The following CFAP52 variants were observed in gnomAD, a reference collection of about 807,000 sequenced individuals.
The protein encoded by CFAP52 is cilia and flagella associated protein 52, also known as cilia- and flagella-associated protein 52.
Under a neutral mutation model 70.5 loss-of-function variants are expected in CFAP52, and 57 were observed. The observed-to-expected ratio is 0.81, with a 90% confidence interval of 0.65 to 1.01. CFAP52 has a LOEUF of 1.01. Ranked by LOEUF, CFAP52 falls within the 50% of genes least tolerant of loss-of-function variation. The probability of loss-of-function intolerance (pLI) is 0.00; values close to 1 mark genes in which losing one functional copy is unlikely to be tolerated. For synonymous variants in CFAP52, 267 were observed against 292.5 expected, an observed-to-expected ratio of 0.91 and a Z score of 0.89; for missense variants, 785 against 788.5, an observed-to-expected ratio of 1.00 and a Z score of 0.05.
chr17:9,577,390 G>C (rs946556188), intron 1 of CFAP52, among the ~76,000 whole-genome samples: 17 of 152,220 alleles, frequency 1.1e-4, no homozygotes, highest in African/African-American at 3.9e-4. Context: ...GGGCCGCTCC[G>C]CTGAAATCTT....
Position 9,594,221 on chromosome 17 carries a change from G to C in CFAP52, c.436G>C (p.Asp146His), listed in dbSNP as rs781562210. 1 of 1,613,692 alleles carries C rather than the reference G, an allele frequency of 6.2e-7. No homozygotes were observed. The highest frequency in any genetic ancestry group is 8.5e-7 in the Non-Finnish European group (1 of 1,179,872). ...SVVVWSIAKR[D>H]AICGSPAAGL... Reference sequence around the variant, plus strand: ...GGTGGTGTGGAGCATAGCCAAGAGAGATGCCATCTGTGGCAGCCCTGCAGC... The same window carrying C: ...GGTGGTGTGGAGCATAGCCAAGAGACATGCCATCTGTGGCAGCCCTGCAGC... The change falls in exon 4 of 14, where the codon GAT becomes CAT. Residue 146 changes from aspartate to histidine, a missense_variant. Transcript: ENST00000352665.
intron 9 of CFAP52, among the ~76,000 whole-genome samples, chr17:9,631,028 A>AAGAAAGAAAGAGAGAGAGAGAGAG: frequency 2.2e-5 from 1 of 44,736 alleles, no homozygotes; most frequent in African/African-American, 1.2e-4. Context: ...GAAAGAAAGA[A>AAGAAAGAAAGAGAGAGAGAGAGAG]AGAGAGAGAG....
intron 1 of CFAP52, among the ~76,000 whole-genome samples, chr17:9,585,276 A>C (rs1444156662): frequency 6.6e-6 from 1 of 152,202 alleles, no homozygotes; most frequent in African/African-American, 2.4e-5. Flanking sequence ...GGATTTTTAT[A>C]AACATCAAAG....
intron 8 of CFAP52, among the ~76,000 whole-genome samples, chr17:9,622,758 G>T (rs935167481): frequency 3.3e-5 from 5 of 152,084 alleles, no homozygotes; most frequent in African/African-American, 1.2e-4. Context: ...GCACCTCAGT[G>T]ACTTATCACA....
rs1908453656 is a variant in CFAP52 at position 9,585,980 on chromosome 17, C to G, written c.270+8C>G. The G allele has an allele frequency of 1.9e-6, 3 of 1,612,682 alleles. No homozygotes were observed. Among genetic ancestry groups the G allele is most frequent in the Non-Finnish European group, 2.5e-6 (3 of 1,179,170 alleles). On this transcript the variant is annotated splice_region_variant and intron_variant, in intron 2 of 13. Transcript: ENST00000352665. ...ACATTCATGGGGTTCAAGGTGAATA[C>G]AGTGAAAACGACTCATTGTCAATTT...
intron 1 of CFAP52, among the ~76,000 whole-genome samples, chr17:9,581,686 T>C (rs1306701295): frequency 3.3e-5 from 5 of 152,226 alleles, no homozygotes; most frequent in Non-Finnish European, 7.3e-5. Flanking sequence ...TGGTTACTCA[T>C]ATCTGAATAC....
intron 6 of CFAP52, 103 bp from the exon 7 acceptor site, chr17:9,608,016 A>G (rs1028896381): frequency 3.8e-6 from 3 of 795,002 alleles, no homozygotes; most frequent in South Asian, 6.4e-5. Flanking sequence ...TTTTATTGCC[A>G]TATGTTTTTG....
At chr17:9,608,031 A>G in intron 6 of CFAP52, 88 bp from the exon 7 acceptor site, 1 of 938,526 alleles carries the variant, frequency 1.1e-6, no homozygotes, top group Non-Finnish European at 1.5e-6. Flanking sequence ...TTTTTGGGGA[A>G]CAGGTGGTAT....
intron 8 of CFAP52, among the ~76,000 whole-genome samples, chr17:9,624,884 C>T (rs1910181400): frequency 6.6e-6 from 1 of 152,128 alleles, no homozygotes; most frequent in Admixed American, 6.6e-5. Flanking sequence ...CCCACTGCTG[C>T]TTTTTTAGCC....
chr17:9,632,993 G>A lies in CFAP52; in HGVS notation c.1280G>A (p.Ser427Asn), dbSNP rs1302025446. ...RIGVTAIATT[S>N]DCKRVISGGG... ...GGCGTCACCGCCATCGCCACCACCA[G>A]TGACTGTAAAAGGGTCATCAGTGGC... is the stretch of plus-strand genomic sequence containing the variant. Residue 427 changes from serine (S) to asparagine (N), a missense_variant, in exon 10 of 14, where the codon AGT becomes AAT. Coordinates refer to ENST00000352665, the MANE Select transcript of CFAP52 (RefSeq NM_145054.5). 3.7e-6 allele frequency: 6 copies of A among 1,614,230 alleles called. No individual in the cohort carries two copies. Among genetic ancestry groups the A allele is most frequent in the African/African-American group, 1.3e-5 (1 of 75,078 alleles).
Position 9,580,318 on chromosome 17 carries a change from TA to T in CFAP52, c.70+3570del, listed in dbSNP as rs11386649. Among the ~76,000 whole-genome samples the T allele has an allele frequency of 4.5e-3, 612 of 134,704 alleles. 5 individuals are homozygous for T. Among genetic ancestry groups the T allele is most frequent in the African/African-American group, 0.014 (512 of 35,628 alleles). The allele number at this position is 134,704 out of a possible 152,430, so 88.4% of individuals were successfully genotyped here. ...AAATATTTACTCTCTGGACCTTTCT[TA>T]AAAAAAAAAAAAAAAAGCCAGACCC... is the stretch of plus-strand genomic sequence containing the variant. On this transcript the variant is annotated intron_variant, in intron 1 of 13. Coordinates refer to ENST00000352665, the MANE Select transcript of CFAP52 (RefSeq NM_145054.5).
At position 9,632,960 on chromosome 17, in the gene CFAP52, A is replaced by G; in HGVS notation, c.1247A>G (p.His416Arg). ...CTGATGTATGTCATTAACAATGCTCACAGGATCGGCGTCACCGCCATCGCC... is the reference window on the plus strand; with the variant it reads ...CTGATGTATGTCATTAACAATGCTCGCAGGATCGGCGTCACCGCCATCGCC... Reference protein sequence around the residue: ...GRLMYVINNAHRIGVTAIATT... With the variant: ...GRLMYVINNARRIGVTAIATT... Residue 416 changes from histidine (H) to arginine (R), a missense_variant, in exon 10 of 14, where the codon CAC becomes CGC. His to Arg is a conservative substitution (Grantham distance 29). Transcript: ENST00000352665. 6.2e-7 allele frequency: 1 copy of G among 1,614,238 alleles called. No homozygotes were observed. The highest frequency in any genetic ancestry group is 1.3e-5 in the African/African-American group (1 of 75,076).
At chr17:9,637,051 GCAAA>G (rs1258591139) in intron 11 of CFAP52, among the ~76,000 whole-genome samples, 1 of 151,844 alleles carries the variant, frequency 6.6e-6, no homozygotes, top group African/African-American at 2.4e-5. Flanking sequence ...TATCAAAAAA[GCAAA>G]CAAACAAACA....
rs2151950464 is a variant in CFAP52, at chr17:9,632,944, G to A, written c.1231G>A (p.Val411Ile). ...CCCAGAGACAGGCCGACTGATGTAT[G>A]TCATTAACAATGCTCACAGGATCGG... ...FAPETGRLMY[V>I]INNAHRIGVT... is the part of the protein sequence containing the mutation. The change falls in exon 10 of 14, where the codon GTC (valine) becomes ATC (isoleucine). Residue 411 changes from valine to isoleucine, a missense_variant. Transcript: ENST00000352665. The A allele has an allele frequency of 1.2e-6, 2 of 1,614,220 alleles. No homozygotes were observed. The highest frequency in any genetic ancestry group is 2.2e-5 in the East Asian group (1 of 44,874).
intron 8 of CFAP52, among the ~76,000 whole-genome samples, chr17:9,613,964 T>G (rs1413104254): frequency 6.6e-6 from 1 of 152,104 alleles, no homozygotes; most frequent in Non-Finnish European, 1.5e-5. Context: ...TCATTTTCTT[T>G]TGGTCTCACT....
At position 9,605,007 on chromosome 17, in the gene CFAP52, G is replaced by A. The variant is rs72820028; in HGVS notation, c.754-3112G>A. ...TCATTGCTGATGGGAATGCAAAATA[G>A]TACGGCCACTTTGGAAGATAGTTTG... is the stretch of plus-strand genomic sequence containing the variant. On this transcript the variant is annotated intron_variant, in intron 6 of 13. Transcript: ENST00000352665. Among the ~76,000 whole-genome samples, 974 of 152,222 alleles carry A rather than the reference G, an allele frequency of 6.4e-3. 3 individuals are homozygous for A. The highest frequency in any genetic ancestry group is 0.01 in the Non-Finnish European group (711 of 68,016).
chr17:9,644,363 C>T (rs1911223769), downstream of CFAP52, among the ~76,000 whole-genome samples: 1 of 152,156 alleles, frequency 6.6e-6, no homozygotes, highest in African/African-American at 2.4e-5. Flanking sequence ...TCTCGGCCTC[C>T]CAAGGTGCTG....
intron 3 of CFAP52, 107 bp from the exon 4 acceptor site, chr17:9,594,086 A>G: frequency 2.1e-6 from 3 of 1,436,334 alleles, no homozygotes; most frequent in Non-Finnish European, 2.8e-6. Flanking sequence ...GTTTTTAAGT[A>G]ACCTGTTGTG....
chr17:9,590,154 C>T lies in CFAP52; in HGVS notation c.407+3320C>T, dbSNP rs145032534. ...GATACGTGTGGTGATCAATCTTCTT[C>T]GATCCATGGTATCTTCAGAGCAGGT... On this transcript the variant is annotated intron_variant, in intron 3 of 13. Coordinates refer to ENST00000352665, the MANE Select transcript of CFAP52 (RefSeq NM_145054.5). The T allele has an allele frequency of 2.2e-3, 421 of 193,072 alleles. 2 individuals are homozygous for T. Among genetic ancestry groups the T allele is most frequent in the African/African-American group, 9.4e-3 (406 of 42,972 alleles). 12.0% of individuals were successfully genotyped at this position (193,072 alleles called of 1,614,324 possible).
Sources: allele counts gnomAD v4.1 joint callset (sites outside exome capture counted in the v4.1 genomes callset), GRCh38; gene constraint gnomAD v4.1.1; transcripts MANE v1.5; gene names NCBI Gene and HGNC (gene_info 2026-07-23, HGNC 2026-07-21).